The following PGCKA1 variants were observed in gnomAD, a reference collection of about 807,000 sequenced individuals.
The protein encoded by PGCKA1 is PDCD10 and GCKIII kinases associated 1, also known as PDCD10 and GCKIII kinases-associated protein 1.
At chr4:37,556,873 T>C in the PGCKA1 span, among the ~76,000 whole-genome samples, 2 of 152,216 alleles carry the variant, frequency 1.3e-5, no homozygotes, top group East Asian at 3.8e-4. Context: ...AAAATAAGAA[T>C]AATAGAATAA....
At chr4:37,474,070 T>C in the PGCKA1 span, among the ~76,000 whole-genome samples, 5 of 152,224 alleles carry the variant, frequency 3.3e-5, no homozygotes, top group African/African-American at 9.6e-5. Context: ...TTTGAATGTG[T>C]CCCCCAAATT....
chr4:37,552,331 T>A, the PGCKA1 span, among the ~76,000 whole-genome samples: 1 of 152,208 alleles, frequency 6.6e-6, no homozygotes, highest in South Asian at 2.1e-4. Context: ...TTGTGAGCCC[T>A]TAAAAGGGAC....
the PGCKA1 span, among the ~76,000 whole-genome samples, chr4:37,548,516 G>A: frequency 6.6e-6 from 1 of 151,834 alleles, no homozygotes; most frequent in East Asian, 1.9e-4. Context: ...GCATCAACCT[G>A]CTCTTTAACA....
chr4:37,513,289 A>G, the PGCKA1 span, among the ~76,000 whole-genome samples: 6 of 152,304 alleles, frequency 3.9e-5, no homozygotes, highest in South Asian at 1.2e-3. Flanking sequence ...TAAGGAGGTT[A>G]TGTAGTCAGC....
the PGCKA1 span, among the ~76,000 whole-genome samples, chr4:37,478,207 T>G: frequency 6.8e-6 from 1 of 147,300 alleles, no homozygotes; most frequent in Non-Finnish European, 1.5e-5. Context: ...CCCCACAATT[T>G]ACACAATGTT....
chr4:37,498,896 T>C, the PGCKA1 span, among the ~76,000 whole-genome samples: 3 of 152,236 alleles, frequency 2.0e-5, no homozygotes, highest in African/African-American at 4.8e-5. Context: ...ATCCTTGTCT[T>C]GTGCCAGTTT....
chr4:37,544,564 G>T, the PGCKA1 span, among the ~76,000 whole-genome samples: 1 of 145,754 alleles, frequency 6.9e-6, no homozygotes, highest in African/African-American at 2.5e-5. Context: ...GCTAATTTAT[G>T]TGAGATTTCT....
chr4:37,498,709 T>C, the PGCKA1 span, among the ~76,000 whole-genome samples: 1 of 152,236 alleles, frequency 6.6e-6, no homozygotes, highest in African/African-American at 2.4e-5. Flanking sequence ...AAGTTGTTTA[T>C]CAGCTTAAGG....
At chr4:37,469,423 C>T in the PGCKA1 span, among the ~76,000 whole-genome samples, 1 of 152,152 alleles carries the variant, frequency 6.6e-6, no homozygotes, top group Non-Finnish European at 1.5e-5. Flanking sequence ...CACATAGAGA[C>T]TGTGTAGTAG....
At chr4:37,489,432 C>T in the PGCKA1 span, among the ~76,000 whole-genome samples, 3 of 151,982 alleles carry the variant, frequency 2.0e-5, no homozygotes, top group Non-Finnish European at 2.9e-5. Flanking sequence ...AGATAGCTTA[C>T]CACCCTAAAA....
At chr4:37,479,663 A>G in the PGCKA1 span, among the ~76,000 whole-genome samples, 1 of 152,230 alleles carries the variant, frequency 6.6e-6, no homozygotes, top group Non-Finnish European at 1.5e-5. Flanking sequence ...AGGCAGCAGC[A>G]ACACAGTGTG....
chr4:37,485,978 T>A, the PGCKA1 span, among the ~76,000 whole-genome samples: 32 of 152,312 alleles, frequency 2.1e-4, no homozygotes, highest in South Asian at 6.6e-3. Context: ...CACCGTATCA[T>A]GAATCAGGTT....
chr4:37,470,011 T>C, the PGCKA1 span, among the ~76,000 whole-genome samples: 103 of 152,340 alleles, frequency 6.8e-4, no homozygotes, highest in Non-Finnish European at 1.0e-3. Context: ...TTGGGACATT[T>C]TGATATTCAC....
chr4:37,485,239 G>T, the PGCKA1 span, among the ~76,000 whole-genome samples: 29 of 152,226 alleles, frequency 1.9e-4, no homozygotes, highest in Admixed American at 1.8e-3. Flanking sequence ...AGGTGCTATG[G>T]TTTGCATGTG....
chr4:37,573,346 C>A, the PGCKA1 span, among the ~76,000 whole-genome samples: 1 of 152,176 alleles, frequency 6.6e-6, no homozygotes, highest in Admixed American at 6.5e-5. Flanking sequence ...GCATTATCCC[C>A]ATTTTACAGA....
At chr4:37,509,219 A>C in the PGCKA1 span, among the ~76,000 whole-genome samples, 1 of 121,318 alleles carries the variant, frequency 8.2e-6, no homozygotes, top group Admixed American at 8.2e-5. Flanking sequence ...GGTGGCGGCC[A>C]GGCAGAGGGG....
At chr4:37,509,222 C>A in the PGCKA1 span, among the ~76,000 whole-genome samples, 2 of 144,800 alleles carry the variant, frequency 1.4e-5, no homozygotes, top group Middle Eastern at 3.5e-3. Flanking sequence ...GGCGGCCAGG[C>A]AGAGGGGCTC....
At chr4:37,572,062 T>C in the PGCKA1 span, among the ~76,000 whole-genome samples, 1,171 of 104,870 alleles carry the variant, frequency 0.011, 12 homozygotes, top group African/African-American at 0.02. Context: ...TTTTTTTTTT[T>C]CTTTTTTTTT....
At chr4:37,458,769 C>CCCACT in the PGCKA1 span, among the ~76,000 whole-genome samples, 1 of 151,998 alleles carries the variant, frequency 6.6e-6, no homozygotes, top group Non-Finnish European at 1.5e-5. Context: ...AGAAATAGAC[C>CCCACT]CCACTTTTTA....
Sources: gnomAD v4.1 joint callset for allele counts (sites outside exome capture counted in the v4.1 genomes callset) on GRCh38, gnomAD v4.1.1 for gene constraint, MANE v1.5 for transcripts, NCBI Gene and HGNC (gene_info 2026-07-23, HGNC 2026-07-21) for gene names.